The following TCN1 variants were observed in gnomAD, a reference collection of about 807,000 sequenced individuals.
TCN1 encodes the protein transcobalamin 1, also known as transcobalamin-1.
A neutral mutation model predicts 46.3 loss-of-function variants in TCN1; 47 were observed. The observed-to-expected ratio is 1.01, with a 90% CI of 0.80 to 1.29. The LOEUF is 1.29. Ranked by LOEUF, TCN1 falls within the 50% of genes most tolerant of loss-of-function variation. TCN1 has a pLI of 0.00. For missense variants in TCN1, 532 were observed against 511.0 expected, an observed-to-expected ratio of 1.04 and a Z score of -0.40; for synonymous variants, 183 against 192.5, an observed-to-expected ratio of 0.95 and a Z score of 0.41.
At chr11:59,860,866 A>G (rs1307988039) in intron 4 of TCN1, among the ~76,000 whole-genome samples, 2 of 152,216 alleles carry the variant, frequency 1.3e-5, no homozygotes, top group Non-Finnish European at 2.9e-5. Context: ...CTTACTATCC[A>G]GAAATACTAC....
At chr11:59,855,825 C>G (rs1852924611) in intron 6 of TCN1, 44 bp downstream of exon 6, 2 of 1,606,736 alleles carry the variant, frequency 1.2e-6, no homozygotes, top group Admixed American at 3.3e-5. Flanking sequence ...GCTTTGGGTG[C>G]TATGGTGAAA....
In TCN1 at chr11:59,854,461, A is replaced by G. The variant is rs556402823; in HGVS notation, c.1121+191T>C. 5.3e-5 allele frequency among the ~76,000 whole-genome samples: 8 copies of G among 152,290 alleles called. No individual in the cohort carries two copies. In the South Asian group the frequency reaches 1.7e-3, roughly 32 times the overall value. ...TTTATTTAGCGAACATTAATTTACT[A>G]CCTATTATGTGCAAGAAGATGAAAT... On this transcript the variant is annotated intron_variant, in intron 7 of 8. Transcript: ENST00000257264.
rs1189764473 is a variant in TCN1, at chr11:59,853,154, C to A, written c.1240+49G>T. 1.9e-6 allele frequency: 3 copies of A among 1,608,574 alleles called. No homozygotes were observed. In the African/African-American group the frequency reaches 4.0e-5, roughly 22 times the overall value. On this transcript the variant is annotated intron_variant, in intron 8 of 8. Coordinates refer to ENST00000257264, the MANE Select transcript of TCN1 (RefSeq NM_001062.4). Reference sequence around the variant, plus strand: ...TCCCCACAGAGGCTCACACCCCTCTCCATTTGGGCATTTTTAGCATGGGTC... The same window carrying A: ...TCCCCACAGAGGCTCACACCCCTCTACATTTGGGCATTTTTAGCATGGGTC...
intron 2 of TCN1, 103 bp from the exon 3 acceptor site, chr11:59,862,825 T>G (rs915407273): frequency 7.6e-7 from 1 of 1,314,938 alleles, no homozygotes; most frequent in Non-Finnish European, 1.1e-6. Context: ...TTTCTTCTGT[T>G]GCGCTCTATA....
intron 3 of TCN1, among the ~76,000 whole-genome samples, chr11:59,862,062 T>C (rs1349223913): frequency 1.3e-5 from 2 of 152,086 alleles, no homozygotes; most frequent in Non-Finnish European, 2.9e-5. Flanking sequence ...CAAAGGAAAA[T>C]GGACTTACTG....
chr11:59,857,829 A>G (rs1483204282), intron 5 of TCN1, among the ~76,000 whole-genome samples: 3 of 151,850 alleles, frequency 2.0e-5, no homozygotes, highest in Non-Finnish European at 4.4e-5. Context: ...TCCCATCCCA[A>G]TCTACACCAC....
In TCN1 at chr11:59,861,611, T is replaced by C. The variant is rs1389893586; in HGVS notation, c.472A>G (p.Asn158Asp). 1 of 1,614,174 alleles carries C rather than the reference T, an allele frequency of 6.2e-7. No individual in the cohort carries two copies. Among genetic ancestry groups the C allele is most frequent in the Admixed American group, 1.7e-5 (1 of 60,026 alleles). ...ACTTCGGCGGTTGAGTAGTTCCCAT[T>C]GAACAGACACAAGGCCAAAACGTCC... ...SLDVLALCLF[N>D]GNYSTAEVVN... The change falls in exon 4 of 9, where the codon AAT (asparagine) becomes GAT (aspartate). Residue 158 changes from asparagine (N) to aspartate (D), a missense_variant. Asn to Asp is a conservative substitution (Grantham distance 23, BLOSUM62 1). Coordinates refer to ENST00000257264, the MANE Select transcript of TCN1 (RefSeq NM_001062.4).
chr11:59,858,019 C>T (rs896265963), intron 5 of TCN1, among the ~76,000 whole-genome samples: 1 of 152,100 alleles, frequency 6.6e-6, no homozygotes, highest in Non-Finnish European at 1.5e-5. Context: ...ATGTTTTTTC[C>T]CTATACATCC....
chr11:59,866,223 T>C (rs190392999), intron 1 of TCN1, among the ~76,000 whole-genome samples, 169 bp downstream of exon 1: 2 of 152,234 alleles, frequency 1.3e-5, no homozygotes, highest in East Asian at 3.9e-4. Flanking sequence ...CAACATGCAT[T>C]GTGAGACTTT....
At position 59,859,323 on chromosome 11, in the gene TCN1, G is replaced by T. The variant is rs911801529; in HGVS notation, c.557-56C>A. The T allele has an allele frequency of 3.1e-6, 5 of 1,590,974 alleles. No homozygotes were observed. In the African/African-American group the frequency reaches 6.7e-5, roughly 21 times the overall value. ...GACCAACCACCTCAGTTTGTCCTGG[G>T]CCGAGAGGTTTCCTGGGATGTGAGA... On this transcript the variant is annotated intron_variant, in intron 4 of 8. Transcript: ENST00000257264.
intron 4 of TCN1, among the ~76,000 whole-genome samples, chr11:59,860,428 CTTT>C (rs546267894): frequency 7.0e-6 from 1 of 143,424 alleles, no homozygotes. Flanking sequence ...TGCACCCTGC[CTTT>C]TTTTTTTTTT....
At chr11:59,860,311 T>G (rs966700166) in intron 4 of TCN1, among the ~76,000 whole-genome samples, 1 of 152,046 alleles carries the variant, frequency 6.6e-6, no homozygotes, top group Non-Finnish European at 1.5e-5. Context: ...GTATTTTTAG[T>G]AGAGACGGGG....
rs1327010980 is a variant in TCN1 at position 59,853,298 on chromosome 11, C to T, written c.1145G>A (p.Trp382Ter). The change falls in exon 8 of 9, where the codon TGG becomes TAG. Residue 382 changes from tryptophan to a stop codon, truncating the protein, a stop_gained. Coordinates refer to ENST00000257264, the MANE Select transcript of TCN1 (RefSeq NM_001062.4). LOFTEE classifies it high-confidence loss of function. ...IFGFTMEERS[W>*]GPYITCIQGL... ...CTGAATACAGGTGATATAGGGCCCC[C>T]ATGAGCGCTCCTCCATTGTGAAACT... The T allele has an allele frequency of 6.2e-7, 1 of 1,613,964 alleles. No individual in the cohort carries two copies. Among genetic ancestry groups the T allele is most frequent in the East Asian group, 2.2e-5 (1 of 44,882 alleles).
rs1853016686 is a variant in TCN1, at chr11:59,861,674, T to C, written c.409A>G (p.Asn137Asp). 1 of 1,613,988 alleles carries C rather than the reference T, an allele frequency of 6.2e-7. No individual in the cohort carries two copies. Among genetic ancestry groups the C allele is most frequent in the Non-Finnish European group, 8.5e-7 (1 of 1,179,976 alleles). The stretch of plus-strand genomic sequence containing the variant: ...TAGTAGTTAGTCAGGGGAGTGCCAT[T>C]GTGTGCTTCTAGAAAAGAGAAGAAA... ...QAEIENMEAH[N>D]GTPLTNYYQL... The change falls in exon 4 of 9, where the codon AAT (asparagine) becomes GAT (aspartate). Residue 137 changes from asparagine to aspartate, a missense_variant. Asn to Asp is a conservative substitution (Grantham distance 23). Coordinates refer to ENST00000257264, the MANE Select transcript of TCN1 (RefSeq NM_001062.4).
chr11:59,861,427 GA>G (rs761751236), intron 4 of TCN1, 99 bp downstream of exon 4: 94 of 1,335,016 alleles, frequency 7.0e-5, no homozygotes, highest in Non-Finnish European at 9.6e-5. Flanking sequence ...AAAGAGGGTA[GA>G]AAATAAAATC....
intron 4 of TCN1, among the ~76,000 whole-genome samples, chr11:59,860,761 C>T (rs1012559986): frequency 2.0e-5 from 3 of 152,198 alleles, no homozygotes; most frequent in Admixed American, 6.5e-5. Flanking sequence ...GATAAGGACA[C>T]GTTTTCTGGC....
chr11:59,853,435 G>A, intron 7 of TCN1, 114 bp from the exon 8 acceptor site: 1 of 998,728 alleles, frequency 1.0e-6, no homozygotes, highest in Non-Finnish European at 1.6e-6. Flanking sequence ...TTATAAAAAT[G>A]CAGATTTCCT....
chr11:59,853,148 C>A, intron 8 of TCN1, 55 bp downstream of exon 8: 1 of 1,600,492 alleles, frequency 6.2e-7, no homozygotes. Context: ...AGGCTCACAC[C>A]CCTCTCCATT....
chr11:59,864,005 G>A lies in TCN1; in HGVS notation c.161C>T (p.Ala54Val). The A allele has an allele frequency of 6.2e-7, 1 of 1,613,958 alleles. No homozygotes were observed. The highest frequency in any genetic ancestry group is 8.5e-7 in the Non-Finnish European group (1 of 1,179,860). Residue 54 changes from alanine to valine, a missense_variant, in exon 2 of 9, where the codon GCT (alanine) becomes GTT (valine). Transcript: ENST00000257264. ...TTTGAGGGACAACACAACATTGACA[G>A]CGCTGGTTCCCCTGTTATAGTTTGA... is the stretch of plus-strand genomic sequence containing the variant. ...IQSNYNRGTSAVNVVLSLKLV... is the reference protein window; with the variant it reads ...IQSNYNRGTSVVNVVLSLKLV...
Sources: gnomAD v4.1 joint callset for allele counts (sites outside exome capture counted in the v4.1 genomes callset) on GRCh38, gnomAD v4.1.1 for gene constraint, MANE v1.5 for transcripts, NCBI Gene and HGNC (gene_info 2026-07-23, HGNC 2026-07-21) for gene names.